The following STX8 variants were observed in gnomAD, a reference collection of about 807,000 sequenced individuals.
STX8 encodes syntaxin 8.
In STX8, 23 loss-of-function variants were observed where a neutral mutation model predicts 37.5. That is an observed-to-expected ratio of 0.61 (90% CI 0.44 to 0.87). The LOEUF (loss-of-function observed/expected upper bound fraction) is 0.87, where lower values mean the gene tolerates loss of function less well. Among genes scored for constraint, STX8 ranks in the 40% least tolerant of loss-of-function variants. The pLI, the probability that STX8 is intolerant of heterozygous loss-of-function variation, is 0.00. For missense variants in STX8, 313 were observed against 284.7 expected, an observed-to-expected ratio of 1.10 and a Z score of -0.71; for synonymous variants, 115 against 99.1, an observed-to-expected ratio of 1.16 and a Z score of -0.95.
chr17:9,295,993 A>G (rs942125354), intron 7 of STX8, among the ~76,000 whole-genome samples: 2 of 151,878 alleles, frequency 1.3e-5, no homozygotes, highest in East Asian at 3.9e-4. Flanking sequence ...GATTGAGACC[A>G]TCCTGGCTAA....
chr17:9,265,173 C>T (rs1907192073), intron 7 of STX8, among the ~76,000 whole-genome samples: 1 of 148,264 alleles, frequency 6.7e-6, no homozygotes, highest in South Asian at 2.2e-4. Context: ...CCAAACTTTT[C>T]TCTTTCACGG....
intron 7 of STX8, among the ~76,000 whole-genome samples, chr17:9,294,168 C>T (rs983433714): frequency 2.6e-4 from 40 of 152,288 alleles, no homozygotes; most frequent in Admixed American, 1.6e-3. Flanking sequence ...TATTGCAGTG[C>T]TGTTGGTCAC....
intron 4 of STX8, among the ~76,000 whole-genome samples, chr17:9,529,006 A>G (rs528511883): frequency 3.3e-5 from 5 of 152,184 alleles, no homozygotes; most frequent in African/African-American, 4.8e-5. Flanking sequence ...GAAATATAAA[A>G]ATGACAAACT....
intron 5 of STX8, among the ~76,000 whole-genome samples, chr17:9,497,861 A>G (rs1904463325): frequency 6.6e-6 from 1 of 152,210 alleles, no homozygotes. Context: ...ACACTTGTTT[A>G]AATCAATGAA....
chr17:9,573,080 A>ACCCCCCCCCCCCCCCCAAC (rs71135994), intron 1 of STX8, among the ~76,000 whole-genome samples: 2 of 101,578 alleles, frequency 2.0e-5, no homozygotes, highest in Non-Finnish European at 2.0e-5. Flanking sequence ...CACCCCCAAC[A>ACCCCCCCCCCCCCCCCAAC]CCCCCCCCCA....
chr17:9,289,763 G>A (rs748139696), intron 7 of STX8, among the ~76,000 whole-genome samples: 2 of 150,770 alleles, frequency 1.3e-5, no homozygotes, highest in East Asian at 2.0e-4. Context: ...CTGGGTGACA[G>A]AGCAAGACTC....
chr17:9,445,206 C>T (rs1443972180), intron 6 of STX8, among the ~76,000 whole-genome samples: 1 of 152,110 alleles, frequency 6.6e-6, no homozygotes, highest in African/African-American at 2.4e-5. Context: ...AGGCTGCTTA[C>T]AGCTTTCCAG....
chr17:9,265,360 C>T (rs534541055), intron 7 of STX8, among the ~76,000 whole-genome samples: 46 of 152,202 alleles, frequency 3.0e-4, no homozygotes, highest in Non-Finnish European at 5.1e-4. Flanking sequence ...GGATGGGGCA[C>T]GCTAGTCGCT....
chr17:9,540,423 G>C (rs765757454), intron 4 of STX8, among the ~76,000 whole-genome samples: 1 of 152,112 alleles, frequency 6.6e-6, no homozygotes, highest in Non-Finnish European at 1.5e-5. Context: ...GCACTTTTTG[G>C]ACAAGCATAT....
At chr17:9,255,726 A>T (rs1274497620) in intron 7 of STX8, among the ~76,000 whole-genome samples, 2 of 151,880 alleles carry the variant, frequency 1.3e-5, no homozygotes, top group Non-Finnish European at 2.9e-5. Context: ...CTTTCAGAGC[A>T]AACAGGGGGA....
intron 7 of STX8, among the ~76,000 whole-genome samples, chr17:9,350,665 T>C (rs185907588): frequency 1.5e-3 from 225 of 152,264 alleles, no homozygotes; most frequent in African/African-American, 5.2e-3. Context: ...CCTGAGTACC[T>C]GGGATTACAG....
intron 6 of STX8, among the ~76,000 whole-genome samples, chr17:9,382,845 A>G (rs577652097): frequency 1.3e-5 from 2 of 152,262 alleles, no homozygotes; most frequent in South Asian, 2.1e-4. Context: ...ACCACAAGAG[A>G]AAGCAGAAAG....
chr17:9,452,157 T>C (rs1259188843), intron 6 of STX8: 1 of 152,034 alleles, frequency 6.6e-6, no homozygotes, highest in East Asian at 1.9e-4. Context: ...TTTGACTTTT[T>C]TTTTTCTGAT....
chr17:9,423,667 T>C (rs1026632744), intron 6 of STX8, among the ~76,000 whole-genome samples: 1 of 152,322 alleles, frequency 6.6e-6, no homozygotes, highest in African/African-American at 2.4e-5. Flanking sequence ...CAAAATGCTA[T>C]GTTGAAAACT....
intron 6 of STX8, among the ~76,000 whole-genome samples, chr17:9,481,833 G>A (rs7209910): frequency 0.011 from 1,680 of 152,250 alleles, 18 homozygotes; most frequent in Non-Finnish European, 0.015. Flanking sequence ...CTGTGCATGC[G>A]AGGGATCTAG....
chr17:9,550,177 T>C (rs1448666733), intron 3 of STX8, among the ~76,000 whole-genome samples: 1 of 149,920 alleles, frequency 6.7e-6, no homozygotes, highest in Non-Finnish European at 1.5e-5. Context: ...TGAGCCAAGA[T>C]CGTGCCACTG....
intron 2 of STX8, among the ~76,000 whole-genome samples, chr17:9,559,760 A>ATATATATATATATATATATTTTTT: frequency 8.2e-5 from 2 of 24,496 alleles, no homozygotes; most frequent in African/African-American, 3.8e-4. Context: ...ATATATATAT[A>ATATATATATATATATATATTTTTT]TTTTTTTTTT....
At chr17:9,320,215 C>T (rs1476653160) in intron 7 of STX8, among the ~76,000 whole-genome samples, 6 of 151,622 alleles carry the variant, frequency 4.0e-5, no homozygotes, top group Non-Finnish European at 8.8e-5. Context: ...CACCTGTAAT[C>T]CCAGCTACTG....
intron 7 of STX8, among the ~76,000 whole-genome samples, chr17:9,293,459 A>G (rs969220131): frequency 6.1e-5 from 9 of 148,630 alleles, no homozygotes; most frequent in Non-Finnish European, 1.1e-4. Flanking sequence ...GAAGATGTGG[A>G]ATTTTAGAGA....
Sources: gnomAD v4.1 joint callset for allele counts (sites outside exome capture counted in the v4.1 genomes callset) on GRCh38, gnomAD v4.1.1 for gene constraint, MANE v1.5 for transcripts, NCBI Gene and HGNC (gene_info 2026-07-23, HGNC 2026-07-21) for gene names.